Variants in ITPKB observed in about 807,000 individuals in gnomAD.
ITPKB encodes the protein IP3 3-kinase B.
In ITPKB, 13 loss-of-function variants were observed where a neutral mutation model predicts 69.4. The observed-to-expected ratio is 0.19, with a 90% CI of 0.12 to 0.30. The LOEUF (loss-of-function observed/expected upper bound fraction) is 0.30. Among genes scored for constraint, ITPKB ranks in the 10% least tolerant of loss-of-function variants. The probability of loss-of-function intolerance (pLI) is 1.00; values close to 1 mark genes in which losing one functional copy is unlikely to be tolerated. For missense variants in ITPKB, 1,240 were observed against 1,250.5 expected (o/e 0.99, Z 0.13); for synonymous variants, 584 against 513.7 (o/e 1.14, Z -1.85).
At position 226,643,275 on chromosome 1, in the gene ITPKB, C is replaced by T. The variant is rs369161449; in HGVS notation, c.2247-1150G>A. ...ACCTCCCCCAGCACACAGCTCTGCG[C>T]TTCTACCTTCTCCAGAGCAGAGGTG... On this transcript the variant is annotated intron_variant, in intron 4 of 7. Coordinates refer to ENST00000429204, the MANE Select transcript of ITPKB (RefSeq NM_002221.4). 7.2e-4 allele frequency among the ~76,000 whole-genome samples: 109 copies of T among 152,298 alleles called. 1 individual carries two copies. The highest frequency in any genetic ancestry group is 2.5e-3 in the African/African-American group (105 of 41,580).
intron 2 of ITPKB, among the ~76,000 whole-genome samples, chr1:226,723,769 A>C (rs1657318001): frequency 6.6e-6 from 1 of 152,014 alleles, no homozygotes; most frequent in Non-Finnish European, 1.5e-5. Flanking sequence ...AAACAGAATA[A>C]AAAGAGGCTG....
At chr1:226,732,399 A>C (rs1051709397) in intron 2 of ITPKB, among the ~76,000 whole-genome samples, 3 of 152,006 alleles carry the variant, frequency 2.0e-5, no homozygotes. Context: ...CGACCACGCC[A>C]GCTAATTTTT....
At chr1:226,645,733 G>T (rs192589435) in intron 4 of ITPKB, among the ~76,000 whole-genome samples, 20 of 151,898 alleles carry the variant, frequency 1.3e-4, no homozygotes, top group East Asian at 5.9e-4. Context: ...AAAAGCAAAG[G>T]CCTCGGGCTG....
intron 2 of ITPKB, among the ~76,000 whole-genome samples, chr1:226,674,513 A>T (rs1669687660): frequency 6.6e-6 from 1 of 151,960 alleles, no homozygotes; most frequent in African/African-American, 2.4e-5. Context: ...TTGTATTTTT[A>T]GTTAGAGACG....
chr1:226,680,191 G>C (rs534475690), intron 2 of ITPKB, among the ~76,000 whole-genome samples: 1 of 152,190 alleles, frequency 6.6e-6, no homozygotes, highest in African/African-American at 2.4e-5. Flanking sequence ...CGCAGCGCCC[G>C]CGACCACGTG....
At chr1:226,710,642 G>T (rs868683165) in intron 2 of ITPKB, among the ~76,000 whole-genome samples, 1 of 152,222 alleles carries the variant, frequency 6.6e-6, no homozygotes, top group Non-Finnish European at 1.5e-5. Context: ...GACCCAAAGC[G>T]ATTACACACT....
At chr1:226,707,906 C>A (rs1400173997) in intron 2 of ITPKB, 2 of 1,333,274 alleles carry the variant, frequency 1.5e-6, no homozygotes, top group Non-Finnish European at 2.0e-6. Flanking sequence ...GAACACTTCC[C>A]AAGAAGTCAC....
At position 226,735,855 on chromosome 1, in the gene ITPKB, T is replaced by C. The variant is rs552789538; in HGVS notation, c.1604A>G (p.Gln535Arg). The C allele has an allele frequency of 1.0e-5, 16 of 1,607,142 alleles. No individual in the cohort carries two copies. The Admixed American group carries it at 2.3e-4, about 23-fold the overall frequency. Residue 535 changes from glutamine (Q) to arginine (R), a missense_variant, in exon 2 of 8, where the codon CAG (glutamine) becomes CGG (arginine). By Grantham distance (43) the Gln-to-Arg change is conservative. Transcript: ENST00000429204. ...TGGGAGGGCATCACTGTCCTGCCGC[T>C]GGCTTTCCCAAGTCCCCTCTGATTG... is the stretch of plus-strand genomic sequence containing the variant. ...GVQSEGTWESQRQDSDALPSP... is the reference protein window; with the variant it reads ...GVQSEGTWESRRQDSDALPSP...
intron 2 of ITPKB, among the ~76,000 whole-genome samples, chr1:226,650,537 C>T (rs578129459): frequency 6.6e-6 from 1 of 152,232 alleles, no homozygotes; most frequent in Non-Finnish European, 1.5e-5. Context: ...TGCATGAGGG[C>T]AACAATGGAA....
At chr1:226,635,117 A>G (rs1351441009) in intron 7 of ITPKB, among the ~76,000 whole-genome samples, 1 of 152,158 alleles carries the variant, frequency 6.6e-6, no homozygotes, top group African/African-American at 2.4e-5. Context: ...TGTGGGCAGC[A>G]GCAGGCACCC....
intron 5 of ITPKB, among the ~76,000 whole-genome samples, chr1:226,640,972 G>C (rs891385227): frequency 1.3e-5 from 2 of 152,190 alleles, no homozygotes; most frequent in African/African-American, 4.8e-5. Flanking sequence ...CTGACTCCAG[G>C]CTGGACACTG....
intron 2 of ITPKB, among the ~76,000 whole-genome samples, chr1:226,727,774 C>T (rs1391874920): frequency 6.6e-6 from 1 of 152,140 alleles, no homozygotes; most frequent in Non-Finnish European, 1.5e-5. Flanking sequence ...GCAAATGGCC[C>T]ACCCCTTCAG....
intron 2 of ITPKB, among the ~76,000 whole-genome samples, chr1:226,731,335 A>G (rs1172889413): frequency 6.6e-6 from 1 of 152,212 alleles, no homozygotes; most frequent in East Asian, 1.9e-4. Flanking sequence ...ATTTATTTTG[A>G]TGATACTTTT....
chr1:226,736,775 C>G lies in ITPKB; in HGVS notation c.684G>C (p.Ser228=). 1.9e-6 allele frequency: 3 copies of G among 1,613,082 alleles called. No individual in the cohort carries two copies. The highest frequency in any genetic ancestry group is 2.5e-6 in the Non-Finnish European group (3 of 1,180,008). The change falls in exon 2 of 8, where the codon TCG becomes TCC. Residue 228 remains serine (S), a synonymous_variant. Transcript: ENST00000429204. Reference sequence around the variant, plus strand: ...GAGGTGGCATTCCTTTCTTCACCTGCGAGGAGCATAGGCTGGGCCCTCCTT... The same window carrying G: ...GAGGTGGCATTCCTTTCTTCACCTGGGAGGAGCATAGGCTGGGCCCTCCTT... ...GRKGGPSLCS[S]QVKKGMPPLP...
At chr1:226,683,558 G>T (rs78032382) in intron 2 of ITPKB, among the ~76,000 whole-genome samples, 1 of 152,248 alleles carries the variant, frequency 6.6e-6, no homozygotes, top group African/African-American at 2.4e-5. Context: ...GCCTACCCAT[G>T]TCAAAGGCCC....
intron 2 of ITPKB, among the ~76,000 whole-genome samples, chr1:226,702,311 T>C (rs1656687853): frequency 6.6e-6 from 1 of 151,494 alleles, no homozygotes; most frequent in African/African-American, 2.4e-5. Context: ...GCAGGGAGAA[T>C]TGCTTTAACC....
At chr1:226,664,070 C>A (rs1292541653) in intron 2 of ITPKB, among the ~76,000 whole-genome samples, 1 of 152,232 alleles carries the variant, frequency 6.6e-6, no homozygotes, top group Non-Finnish European at 1.5e-5. Flanking sequence ...GCTTGGCCCC[C>A]ACAAAAGTCA....
chr1:226,726,338 T>TATG (rs1051062493), intron 2 of ITPKB, among the ~76,000 whole-genome samples: 1 of 152,254 alleles, frequency 6.6e-6, no homozygotes, highest in African/African-American at 2.4e-5. Context: ...CTGTGATGAC[T>TATG]ATGATGATGA....
chr1:226,711,806 AC>A (rs1656967666), intron 2 of ITPKB, among the ~76,000 whole-genome samples: 1 of 152,046 alleles, frequency 6.6e-6, no homozygotes, highest in African/African-American at 2.4e-5. Flanking sequence ...TCCATCCCTG[AC>A]CCAGAGACTC....
Sources: allele counts gnomAD v4.1 joint callset (sites outside exome capture counted in the v4.1 genomes callset), GRCh38; gene constraint gnomAD v4.1.1; transcripts MANE v1.5; gene names NCBI Gene and HGNC (gene_info 2026-07-23, HGNC 2026-07-21).